The following DLGAP2 variants were observed in gnomAD, a reference collection of about 807,000 sequenced individuals.
DLGAP2 encodes DLG associated protein 2.
Under a neutral mutation model 100.3 loss-of-function variants are expected in DLGAP2, and 26 were observed. The observed-to-expected ratio is 0.26, with a 90% CI of 0.19 to 0.36. The LOEUF (loss-of-function observed/expected upper bound fraction) is 0.36. Ranked by LOEUF, DLGAP2 falls within the 10% of genes least tolerant of loss-of-function variation. DLGAP2 has a pLI of 1.00. For synonymous variants in DLGAP2, 886 were observed against 630.1 expected, an observed-to-expected ratio of 1.41 and a Z score of -6.08; for missense variants, 1,858 against 1,453.2, an observed-to-expected ratio of 1.28 and a Z score of -4.53.
At chr8:1,368,315 CTGTGTGTGTGCATGCA>C (rs916999808) in intron 3 of DLGAP2, among the ~76,000 whole-genome samples, 17 of 151,154 alleles carry the variant, frequency 1.1e-4, no homozygotes, top group African/African-American at 2.9e-4. Flanking sequence ...ATGTGCATAG[CTGTGTGTGTGCATGCA>C]TGTGTGTGTG....
chr8:1,031,173 C>G (rs1023419588), intron 2 of DLGAP2, among the ~76,000 whole-genome samples: 1 of 152,078 alleles, frequency 6.6e-6, no homozygotes, highest in Non-Finnish European at 1.5e-5. Flanking sequence ...CCGCCTGTGC[C>G]TCACCCAATA....
chr8:1,277,513 A>C (rs11136377), intron 3 of DLGAP2, among the ~76,000 whole-genome samples: 48,716 of 152,048 alleles, frequency 0.32, 8,000 homozygotes, highest in Middle Eastern at 0.45. Context: ...AATTAGAAAA[A>C]AAAATGATTA....
intron 2 of DLGAP2, among the ~76,000 whole-genome samples, chr8:1,248,301 TG>T (rs773567674): frequency 4.7e-5 from 4 of 84,982 alleles, no homozygotes; most frequent in African/African-American, 2.6e-4. Context: ...GAGATCAGTG[TG>T]GGAGTAATGG....
intron 6 of DLGAP2, among the ~76,000 whole-genome samples, chr8:1,597,326 G>C (rs1182119344): frequency 6.6e-6 from 1 of 151,616 alleles, no homozygotes; most frequent in African/African-American, 2.4e-5. Context: ...TTTTTGCTTA[G>C]GATTGTCTTG....
At chr8:1,070,146 C>T (rs953855664) in intron 2 of DLGAP2, among the ~76,000 whole-genome samples, 3 of 152,198 alleles carry the variant, frequency 2.0e-5, no homozygotes, top group Non-Finnish European at 4.4e-5. Flanking sequence ...ATCTTGTGCA[C>T]CTCTTTGCTC....
intron 3 of DLGAP2, among the ~76,000 whole-genome samples, chr8:1,408,277 C>T (rs1796630816): frequency 1.3e-5 from 2 of 152,222 alleles, no homozygotes; most frequent in African/African-American, 4.8e-5. Context: ...AGTTTCCCCT[C>T]TTGCTGATGA....
intron 2 of DLGAP2, among the ~76,000 whole-genome samples, chr8:922,463 A>T (rs995447976): frequency 6.6e-6 from 1 of 152,122 alleles, no homozygotes; most frequent in South Asian, 2.1e-4. Flanking sequence ...TGAAAAGAAG[A>T]CTCTGCACTA....
At chr8:1,180,046 C>T (rs1049553996) in intron 2 of DLGAP2, among the ~76,000 whole-genome samples, 3 of 152,174 alleles carry the variant, frequency 2.0e-5, no homozygotes, top group Non-Finnish European at 4.4e-5. Context: ...AATGGAGAAG[C>T]ACTGGCAAAG....
chr8:1,559,720 G>T (rs1347371775), intron 5 of DLGAP2, among the ~76,000 whole-genome samples: 1 of 152,202 alleles, frequency 6.6e-6, no homozygotes, highest in Non-Finnish European at 1.5e-5. Flanking sequence ...CAGAGGAGCT[G>T]CTCTTCCATC....
At chr8:1,677,124 G>A (rs1361358291) in intron 11 of DLGAP2, among the ~76,000 whole-genome samples, 3 of 152,198 alleles carry the variant, frequency 2.0e-5, no homozygotes, top group East Asian at 3.8e-4. Flanking sequence ...AAAATAGCAT[G>A]TATTGTCTAT....
rs554154358 is a variant in DLGAP2 at position 1,506,095 on chromosome 8, T to G, written c.172+4664T>G. Among the ~76,000 whole-genome samples, 19 of 152,346 alleles carry G rather than the reference T, an allele frequency of 1.2e-4. No homozygotes were observed. The South Asian group carries it at 3.7e-3, about 30-fold the overall frequency. Reference sequence around the variant, plus strand: ...CTGGCAGGCACATAGATTGTGAACATGTTTTTATATAATAGAACATCAGCT... The same window carrying G: ...CTGGCAGGCACATAGATTGTGAACAGGTTTTTATATAATAGAACATCAGCT... On this transcript the variant is annotated intron_variant, in intron 4 of 14. Coordinates refer to ENST00000637795, the MANE Select transcript of DLGAP2 (RefSeq NM_001346810.2).
chr8:1,549,063 C>A lies in DLGAP2; in HGVS notation c.610C>A (p.Arg204=), dbSNP rs769499098. 1.3e-6 allele frequency: 2 copies of A among 1,589,852 alleles called. No individual in the cohort carries two copies. The highest frequency in any genetic ancestry group is 2.3e-5 in the South Asian group (2 of 88,670). Residue 204 remains arginine, a synonymous_variant, in exon 5 of 15, where the codon CGG becomes AGG. Coordinates refer to ENST00000637795, the MANE Select transcript of DLGAP2 (RefSeq NM_001346810.2). Reference sequence around the variant, plus strand: ...GTTCGAGAAGCAGCTGCCGCTGCACCGGGACGGCTTCCACACGCTGCAGTA... The same window carrying A: ...GTTCGAGAAGCAGCTGCCGCTGCACAGGGACGGCTTCCACACGCTGCAGTA... The part of the protein sequence containing the change: ...DQFEKQLPLH[R]DGFHTLQYQR...
At chr8:1,620,102 C>T (rs183716676) in intron 6 of DLGAP2, among the ~76,000 whole-genome samples, 9 of 152,306 alleles carry the variant, frequency 5.9e-5, no homozygotes, top group African/African-American at 2.2e-4. Context: ...CTCTGCTGTT[C>T]CTGACAAGTT....
At chr8:1,116,664 G>A (rs557097198) in intron 2 of DLGAP2, among the ~76,000 whole-genome samples, 1 of 152,208 alleles carries the variant, frequency 6.6e-6, no homozygotes, top group Non-Finnish European at 1.5e-5. Flanking sequence ...CACACGTGGT[G>A]GCATGCCTGT....
chr8:1,509,041 G>A (rs542265806), intron 4 of DLGAP2, among the ~76,000 whole-genome samples: 1 of 152,286 alleles, frequency 6.6e-6, no homozygotes, highest in South Asian at 2.1e-4. Context: ...CAACAGAGAA[G>A]TATAGACTAG....
intron 1 of DLGAP2, among the ~76,000 whole-genome samples, chr8:766,366 A>C (rs1203862907): frequency 6.6e-6 from 1 of 152,186 alleles, no homozygotes; most frequent in Admixed American, 6.5e-5. Context: ...GTGTGTGTTC[A>C]AGTCACACCT....
At chr8:1,411,608 C>T (rs544297017) in intron 3 of DLGAP2, among the ~76,000 whole-genome samples, 1 of 152,320 alleles carries the variant, frequency 6.6e-6, no homozygotes, top group Non-Finnish European at 1.5e-5. Context: ...GACTTGAGGG[C>T]CTCGTGCTCC....
intron 2 of DLGAP2, among the ~76,000 whole-genome samples, chr8:972,927 G>C (rs368226644): frequency 6.6e-5 from 10 of 152,322 alleles, no homozygotes; most frequent in South Asian, 2.1e-4. Context: ...AGAGACCACC[G>C]TGTTGGGGGT....
At chr8:1,531,373 C>T (rs114178239) in intron 4 of DLGAP2, among the ~76,000 whole-genome samples, 1,922 of 152,050 alleles carry the variant, frequency 0.013, 34 homozygotes, top group African/African-American at 0.044. Flanking sequence ...GGTCAAATTA[C>T]TTGCTAAAAG....
Sources: allele counts gnomAD v4.1 joint callset (sites outside exome capture counted in the v4.1 genomes callset), GRCh38; gene constraint gnomAD v4.1.1; transcripts MANE v1.5; gene names NCBI Gene and HGNC (gene_info 2026-07-23, HGNC 2026-07-21).